Variants in AP2B1 observed in about 807,000 individuals in gnomAD.
The protein encoded by AP2B1 is adaptor related protein complex 2 subunit beta 1.
In AP2B1, 23 loss-of-function variants were observed where a neutral mutation model predicts 102.0. The ratio of observed to expected loss-of-function variants is 0.23; its 90% CI spans 0.16 to 0.32. The LOEUF (loss-of-function observed/expected upper bound fraction) is 0.32. AP2B1 is among the 10% of genes least tolerant of loss of function. The pLI is 1.00. For synonymous variants in AP2B1, 381 were observed against 421.2 expected (o/e 0.90, Z 1.17); for missense variants, 541 against 1,157.4 (o/e 0.47, Z 7.73).
At chr17:35,645,673 A>C (rs2074912153) in intron 12 of AP2B1, among the ~76,000 whole-genome samples, 1 of 152,140 alleles carries the variant, frequency 6.6e-6, no homozygotes, top group Admixed American at 6.6e-5. Context: ...AAAATGGAGA[A>C]ACCCCATCTC....
At chr17:35,688,710 C>A (rs988711886) in intron 18 of AP2B1, among the ~76,000 whole-genome samples, 1 of 152,146 alleles carries the variant, frequency 6.6e-6, no homozygotes, top group Admixed American at 6.5e-5. Flanking sequence ...ACACGTGTAA[C>A]TCCAGCACTT....
chr17:35,601,582 A>G (rs1036359939), intron 3 of AP2B1, among the ~76,000 whole-genome samples: 2 of 150,306 alleles, frequency 1.3e-5, no homozygotes, highest in African/African-American at 2.4e-5. Flanking sequence ...ATTCATATAG[A>G]TGAACACTTA....
At chr17:35,647,410 A>C (rs113854736) in intron 12 of AP2B1, among the ~76,000 whole-genome samples, 2 of 152,034 alleles carry the variant, frequency 1.3e-5, no homozygotes, top group Non-Finnish European at 1.5e-5. Flanking sequence ...CACACACACA[A>C]ACAAAATCAA....
At position 35,627,439 on chromosome 17, in the gene AP2B1, C is replaced by T. The variant is rs138785802; in HGVS notation, c.993C>T (p.Pro331=). The T allele has an allele frequency of 3.1e-4, 496 of 1,613,656 alleles. No homozygotes were observed. Among genetic ancestry groups the T allele is most frequent in the Non-Finnish European group, 4.0e-4 (476 of 1,179,874 alleles). The change falls in exon 8 of 22, where the codon CCC becomes CCT. Residue 331 remains proline, a synonymous_variant. Coordinates refer to ENST00000610402, the MANE Select transcript of AP2B1 (RefSeq NM_001030006.2). ...IKVFFVKYND[P]IYVKLEKLDI... ...TCTTCTTTGTGAAGTACAATGATCCCATCTATGTTAAACTAGAGAAGTTGG... is the reference window on the plus strand; with the variant it reads ...TCTTCTTTGTGAAGTACAATGATCCTATCTATGTTAAACTAGAGAAGTTGG...
chr17:35,656,745 CACG>C (rs2075233672), intron 13 of AP2B1, among the ~76,000 whole-genome samples: 5 of 152,162 alleles, frequency 3.3e-5, no homozygotes, highest in African/African-American at 1.2e-4. Context: ...ATTAGCCGGG[CACG>C]GTGGTGGGCG....
intron 3 of AP2B1, 127 bp downstream of exon 3, chr17:35,598,462 ACAT>A: frequency 1.8e-6 from 1 of 548,540 alleles, no homozygotes; most frequent in Non-Finnish European, 3.2e-6. Flanking sequence ...CCCACTAAAA[ACAT>A]CATTAGGAAG....
intron 12 of AP2B1, among the ~76,000 whole-genome samples, chr17:35,642,801 A>T (rs2074819600): frequency 6.7e-6 from 1 of 149,768 alleles, no homozygotes; most frequent in Non-Finnish European, 1.5e-5. Flanking sequence ...GTTCTGAGCC[A>T]TAATTTTTCC....
chr17:35,657,725 T>C lies in AP2B1; in HGVS notation c.1923T>C (p.Asn641=). ...LLNLDLGPPV[N]VPQVSSMQMG... ...ACCTTGACCTCGGTCCCCCAGTCAA[T>C]GTGCCACAGGTGTCCTCCATGCAGA... The change falls in exon 14 of 22, where the codon AAT becomes AAC. Residue 641 remains asparagine, a synonymous_variant. Coordinates refer to ENST00000610402, the MANE Select transcript of AP2B1 (RefSeq NM_001030006.2). 6.2e-7 allele frequency: 1 copy of C among 1,614,208 alleles called. No individual in the cohort carries two copies. The highest frequency in any genetic ancestry group is 8.5e-7 in the Non-Finnish European group (1 of 1,180,026).
Position 35,645,126 on chromosome 17 carries a change from G to T in AP2B1, c.1536+3151G>T, listed in dbSNP as rs555330575. On this transcript the variant is annotated intron_variant, in intron 12 of 21. Transcript: ENST00000610402. ...TTTTTTCCCCAAGTTTGTGAAATAAGAACCTAAATATTTATGGCTAGTGAG... is the reference window on the plus strand; with the variant it reads ...TTTTTTCCCCAAGTTTGTGAAATAATAACCTAAATATTTATGGCTAGTGAG... Among the ~76,000 whole-genome samples, 24 of 152,222 alleles carry T rather than the reference G, an allele frequency of 1.6e-4. No individual in the cohort carries two copies. In the East Asian group the frequency reaches 3.9e-3, roughly 24 times the overall value.
intron 18 of AP2B1, among the ~76,000 whole-genome samples, chr17:35,707,793 T>C (rs1598340617): frequency 6.6e-6 from 1 of 152,344 alleles, no homozygotes; most frequent in Admixed American, 6.5e-5. Flanking sequence ...AGTTCCTCTT[T>C]CCTGACATTA....
At chr17:35,646,292 G>A (rs225277) in intron 12 of AP2B1, among the ~76,000 whole-genome samples, 94,949 of 151,956 alleles carry the variant, frequency 0.62, 29,704 homozygotes, top group Non-Finnish European at 0.65. Context: ...CGGTCTTGAC[G>A]GTCTGAATTA....
intron 3 of AP2B1, among the ~76,000 whole-genome samples, chr17:35,600,424 CAA>C (rs959333451): frequency 1.5e-5 from 2 of 130,566 alleles, no homozygotes; most frequent in Admixed American, 7.6e-5. Flanking sequence ...CTAGTTATAA[CAA>C]AAAAAAAAAG....
intron 10 of AP2B1, among the ~76,000 whole-genome samples, chr17:35,637,425 C>T (rs2074638555): frequency 6.6e-6 from 1 of 152,096 alleles, no homozygotes; most frequent in African/African-American, 2.4e-5. Flanking sequence ...GGTGATCCAT[C>T]CACCTCAGCC....
At chr17:35,718,595 C>T (rs587626902) in intron 21 of AP2B1, among the ~76,000 whole-genome samples, 1 of 152,134 alleles carries the variant, frequency 6.6e-6, no homozygotes, top group South Asian at 2.1e-4. Flanking sequence ...TGCCTGTAAT[C>T]CCAGCTACTG....
intron 3 of AP2B1, among the ~76,000 whole-genome samples, chr17:35,603,780 G>A (rs572293580): frequency 3.4e-4 from 52 of 152,328 alleles, no homozygotes; most frequent in African/African-American, 1.2e-3. Flanking sequence ...CTTTGAAACT[G>A]TAGTAGATGG....
At chr17:35,630,931 T>C (rs2074444442) in intron 9 of AP2B1, among the ~76,000 whole-genome samples, 1 of 152,146 alleles carries the variant, frequency 6.6e-6, no homozygotes, top group Non-Finnish European at 1.5e-5. Context: ...TTTGACAGAG[T>C]TGCCAAGCCA....
chr17:35,662,055 A>G (rs899838002), intron 14 of AP2B1, among the ~76,000 whole-genome samples: 59 of 152,340 alleles, frequency 3.9e-4, no homozygotes, highest in African/African-American at 1.4e-3. Flanking sequence ...TTCCTCCATC[A>G]ATAGTAGTGA....
intron 14 of AP2B1, among the ~76,000 whole-genome samples, chr17:35,667,865 C>T (rs1312117894): frequency 2.0e-5 from 3 of 151,978 alleles, no homozygotes; most frequent in Non-Finnish European, 4.4e-5. Context: ...CGAAAACCAC[C>T]TCAGAGTATC....
intron 4 of AP2B1, chr17:35,607,727 AT>A (rs1426124706): frequency 1.3e-5 from 2 of 150,622 alleles, no homozygotes; most frequent in Non-Finnish European, 2.9e-5. Flanking sequence ...TTTCTATTTG[AT>A]GTTTAGGAAC....
Sources: gnomAD v4.1 joint callset for allele counts (sites outside exome capture counted in the v4.1 genomes callset) on GRCh38, gnomAD v4.1.1 for gene constraint, MANE v1.5 for transcripts, NCBI Gene and HGNC (gene_info 2026-07-23, HGNC 2026-07-21) for gene names.